Variants in REC8 observed in about 807,000 individuals in gnomAD.
The protein encoded by REC8 is meiotic recombination protein REC8 homolog.
A neutral mutation model predicts 78.3 loss-of-function variants in REC8; 42 were observed. The ratio of observed to expected loss-of-function variants is 0.54; its 90% CI spans 0.42 to 0.69. The LOEUF (loss-of-function observed/expected upper bound fraction) is 0.69, where lower values mean the gene tolerates loss of function less well. Among genes scored for constraint, REC8 ranks in the 30% least tolerant of loss-of-function variants. The pLI, the probability that REC8 is intolerant of heterozygous loss-of-function variation, is 0.00. For missense variants in REC8, 581 were observed against 715.8 expected (o/e 0.81, Z 2.15); for synonymous variants, 268 against 274.1 (o/e 0.98, Z 0.22).
intron 12 of REC8, 24 bp from the exon 13 acceptor site, chr14:24,178,582 T>C (rs1261724287): frequency 1.9e-6 from 3 of 1,612,454 alleles, no homozygotes; most frequent in Non-Finnish European, 2.5e-6. Flanking sequence ...ATAATGGGGC[T>C]TCTGACCTTC....
At chr14:24,173,562 CA>C (rs1420008063) in intron 5 of REC8, 151 bp downstream of exon 5, 8 of 1,447,360 alleles carry the variant, frequency 5.5e-6, no homozygotes, top group Non-Finnish European at 6.5e-6. Context: ...TGGACCCATC[CA>C]GGCGAAGCCC....
At chr14:24,177,024 A>AGTGGCTTCCTTGAACCTGGCCCT in intron 7 of REC8, 117 bp from the exon 8 acceptor site, 1 of 1,324,288 alleles carries the variant, frequency 7.6e-7, no homozygotes, top group Non-Finnish European at 1.1e-6. Context: ...TTGAGCACCC[A>AGTGGCTTCCTTGAACCTGGCCCT]GTGGCTTCCT....
downstream of REC8, chr14:24,180,329 C>G: frequency 6.6e-7 from 1 of 1,505,772 alleles, no homozygotes; most frequent in South Asian, 1.3e-5. Flanking sequence ...GGGGCTGGCT[C>G]CAAATGGGTA....
rs370925288 is a variant in REC8 at position 24,172,984 on chromosome 14, G to T, written c.211G>T (p.Ala71Ser). 1.2e-6 allele frequency: 2 copies of T among 1,609,168 alleles called. No homozygotes were observed. Among genetic ancestry groups the T allele is most frequent in the Non-Finnish European group, 1.7e-6 (2 of 1,180,022 alleles). Residue 71 changes from alanine to serine, a missense_variant, in exon 3 of 19, where the codon GCC becomes TCC. By Grantham distance (99) the Ala-to-Ser change is moderately conservative (BLOSUM62 1). Transcript: ENST00000611366. ...GCCCCGCTTCTCCCTCTATCTCTCA[G>T]CCCAACTTCAGATCGGTGTGATCCG... ...PRPRFSLYLS[A>S]QLQIGVIRVY...
intron 7 of REC8, 109 bp downstream of exon 7, chr14:24,177,010 G>A: frequency 7.7e-7 from 1 of 1,306,542 alleles, no homozygotes; most frequent in Non-Finnish European, 1.1e-6. Flanking sequence ...TCTGTCCCTG[G>A]CACTTGAGCA....
intron 10 of REC8, 26 bp from the exon 11 acceptor site, chr14:24,177,683 A>C (rs2038962566): frequency 6.2e-7 from 1 of 1,604,210 alleles, no homozygotes. Flanking sequence ...GGCTTATGGG[A>C]CAGAGCCCCT....
Position 24,172,936 on chromosome 14 carries a change from C to A in REC8, c.163C>A (p.Pro55Thr), listed in dbSNP as rs1398472456. ...ILNYVLVRVQPPQPGLPRPRF... is the reference protein window; with the variant it reads ...ILNYVLVRVQTPQPGLPRPRF... ...CAATTACGTGCTGGTACGAGTGCAA[C>A]CCCCGCAGCCCGGCCTGCCGCGGCC... Residue 55 changes from proline to threonine, a missense_variant, in exon 3 of 19, where the codon CCC (proline) becomes ACC (threonine). Physicochemically the swap from Pro to Thr is conservative, Grantham distance 38. Transcript: ENST00000611366. The A allele has an allele frequency of 3.1e-6, 5 of 1,610,968 alleles. No individual in the cohort carries two copies. Among genetic ancestry groups the A allele is most frequent in the East Asian group, 2.2e-5 (1 of 44,900 alleles).
intron 16 of REC8, 31 bp downstream of exon 16, chr14:24,179,494 C>T (rs1179682662): frequency 5.0e-6 from 8 of 1,613,570 alleles, no homozygotes; most frequent in Non-Finnish European, 5.9e-6. Flanking sequence ...GGAGCCAGGG[C>T]CCACAGCCCT....
intron 6 of REC8, among the ~76,000 whole-genome samples, 179 bp from the exon 7 acceptor site, chr14:24,176,643 G>A (rs1460507037): frequency 2.0e-5 from 3 of 152,188 alleles, no homozygotes; most frequent in East Asian, 3.8e-4. Flanking sequence ...CTTTACCGAT[G>A]AGGAAAGTGA....
At chr14:24,177,056 C>T in intron 7 of REC8, 85 bp from the exon 8 acceptor site, 2 of 1,421,434 alleles carry the variant, frequency 1.4e-6, no homozygotes, top group East Asian at 2.3e-5. Flanking sequence ...CTGTGGCATG[C>T]CTCTGGGATC....
rs1388294797 is a variant in REC8 at position 24,176,918 on chromosome 14, A to G, written c.624+17A>G. The G allele has an allele frequency of 6.2e-7, 1 of 1,600,398 alleles. No individual in the cohort carries two copies. The highest frequency in any genetic ancestry group is 8.6e-7 in the Non-Finnish European group (1 of 1,168,568). ...GAGATTGAGGTGAGTTCCCCTGCAC[A>G]CAGGGCCTGAGGTCCAGCCCCCTTG... is the stretch of plus-strand genomic sequence containing the variant. On this transcript the variant is annotated intron_variant, in intron 7 of 18. Transcript: ENST00000611366.
rs1462039175 is a variant in REC8, at chr14:24,179,591, C to G, written c.1320-4C>G. 1.2e-6 allele frequency: 2 copies of G among 1,614,170 alleles called. No individual in the cohort carries two copies. Among genetic ancestry groups the G allele is most frequent in the Non-Finnish European group, 1.7e-6 (2 of 1,180,014 alleles). On this transcript the variant is annotated splice_region_variant and splice_polypyrimidine_tract_variant and intron_variant, in intron 16 of 18. Transcript: ENST00000611366. Reference sequence around the variant, plus strand: ...ACCTTCCCTACTCTCTCATGTCCTCCTAGGGCCTGGCCTGAGGTGGAGGCG... The same window carrying G: ...ACCTTCCCTACTCTCTCATGTCCTCGTAGGGCCTGGCCTGAGGTGGAGGCG...
At chr14:24,175,494 AG>A (rs1282553331) in intron 5 of REC8, 48 bp from the exon 6 acceptor site, 9 of 1,423,492 alleles carry the variant, frequency 6.3e-6, no homozygotes, top group Non-Finnish European at 8.9e-6. Context: ...GTGGGAAAGC[AG>A]GGGGCTGAAG....
chr14:24,177,620 T>G (rs1594421315), intron 10 of REC8, 79 bp downstream of exon 10: 5 of 1,576,802 alleles, frequency 3.2e-6, no homozygotes, highest in Middle Eastern at 1.7e-4. Flanking sequence ...TATCCCAACT[T>G]GCTAAAGGGA....
At chr14:24,174,282 CTAT>C (rs1279199039) in intron 5 of REC8, among the ~76,000 whole-genome samples, 4 of 150,642 alleles carry the variant, frequency 2.7e-5, no homozygotes, top group Admixed American at 6.6e-5. Flanking sequence ...TCGCGCTGGC[CTAT>C]TATTATTATT....
Position 24,172,580 on chromosome 14 carries a change from C to T in REC8, c.28C>T (p.Arg10Cys). ...GTTCTACTATCCCAACGTGCTTCAG[C>T]GCCACACCGGCTGCTTTGCCACCAT... The part of the protein sequence containing the change: MFYYPNVLQ[R>C]HTGCFATIWL... The change falls in exon 1 of 19, where the codon CGC (arginine) becomes TGC (cysteine). Residue 10 changes from arginine to cysteine, a missense_variant. By Grantham distance (180) the Arg-to-Cys change is radical. Coordinates refer to ENST00000611366, the MANE Select transcript of REC8 (RefSeq NM_001048205.2). The T allele has an allele frequency of 1.9e-6, 3 of 1,613,244 alleles. No homozygotes were observed. The highest frequency in any genetic ancestry group is 1.7e-4 in the Middle Eastern group (1 of 6,040).
intron 6 of REC8, among the ~76,000 whole-genome samples, chr14:24,176,567 C>T (rs890292645): frequency 9.9e-5 from 15 of 151,938 alleles, no homozygotes; most frequent in African/African-American, 3.1e-4. Flanking sequence ...TGGCCTCAAA[C>T]TCCTGGGCTC....
chr14:24,179,047 G>C, intron 14 of REC8, 38 bp from the exon 15 acceptor site: 4 of 1,608,524 alleles, frequency 2.5e-6, no homozygotes, highest in Non-Finnish European at 3.4e-6. Context: ...CCAAGTCCCA[G>C]ATGCTTGGGG....
chr14:24,178,735 C>T, intron 13 of REC8, 42 bp from the exon 14 acceptor site: 2 of 1,612,042 alleles, frequency 1.2e-6, no homozygotes, highest in South Asian at 1.1e-5. Flanking sequence ...CCTGGTGCTC[C>T]TCACGCCTCA....
Sources: allele counts gnomAD v4.1 joint callset (sites outside exome capture counted in the v4.1 genomes callset), GRCh38; gene constraint gnomAD v4.1.1; transcripts MANE v1.5; gene names NCBI Gene and HGNC (gene_info 2026-07-23, HGNC 2026-07-21).